Variants in TNS2 observed in about 807,000 individuals in gnomAD.
The protein encoded by TNS2 is tensin 2.
Under a neutral mutation model 155.7 loss-of-function variants are expected in TNS2, and 77 were observed. The observed-to-expected ratio is 0.49, with a 90% confidence interval of 0.41 to 0.60. The LOEUF is 0.60. TNS2 is among the 20% of genes least tolerant of loss of function. The pLI, the probability that TNS2 is intolerant of heterozygous loss-of-function variation, is 0.00. For missense variants in TNS2, 1,703 were observed against 1,868.8 expected, an observed-to-expected ratio of 0.91 and a Z score of 1.64; for synonymous variants, 726 against 763.9, an observed-to-expected ratio of 0.95 and a Z score of 0.82.
At chr12:53,049,202 T>A (rs993684293), upstream of TNS2, 13 of 1,603,450 alleles carry the variant, frequency 8.1e-6, no homozygotes, top group Non-Finnish European at 1.0e-5. Context: ...CCTCAGGCCC[T>A]GGGACAGCTG....
chr12:53,057,513 A>G, intron 11 of TNS2, 54 bp from the exon 12 acceptor site: 1 of 1,321,116 alleles, frequency 7.6e-7, no homozygotes, highest in Non-Finnish European at 1.1e-6. Flanking sequence ...GAAATGATAC[A>G]AGGTGACCTC....
intron 11 of TNS2, among the ~76,000 whole-genome samples, chr12:53,057,353 A>G (rs76329003): frequency 0.011 from 1,602 of 152,318 alleles, 38 homozygotes; most frequent in African/African-American, 0.036. Flanking sequence ...GCCTGCCACT[A>G]TAAAGTGAAG....
In TNS2 at chr12:53,053,784, C is replaced by A. The variant is rs199876788; in HGVS notation, c.272C>A (p.Thr91Lys). The A allele has an allele frequency of 1.2e-6, 2 of 1,611,042 alleles. No individual in the cohort carries two copies. The highest frequency in any genetic ancestry group is 2.2e-5 in the East Asian group (1 of 44,888). The stretch of plus-strand genomic sequence containing the variant: ...CCCATCTCCCTCTAGCGGCGAAACA[C>A]GGCCCCAGTCAGGCGCATAGAGCAC... ...ALPPVELRRNTAPVRRIEHLG... is the reference protein window; with the variant it reads ...ALPPVELRRNKAPVRRIEHLG... Residue 91 changes from threonine (T) to lysine (K), a missense_variant, in exon 5 of 29, where the codon ACG becomes AAG. By Grantham distance (78) the Thr-to-Lys change is moderately conservative. Coordinates refer to ENST00000314250, the MANE Select transcript of TNS2 (RefSeq NM_170754.4).
chr12:53,051,545 G>C (rs761608782), intron 1 of TNS2, among the ~76,000 whole-genome samples: 2 of 152,134 alleles, frequency 1.3e-5, no homozygotes, highest in Non-Finnish European at 2.9e-5. Context: ...ACCACACCAG[G>C]GGGAAAGCCT....
chr12:53,060,730 C>T lies in TNS2; in HGVS notation c.2824C>T (p.Pro942Ser), dbSNP rs747544668. Residue 942 changes from proline (P) to serine (S), a missense_variant, in exon 20 of 29, where the codon CCT becomes TCT. By Grantham distance (74) the Pro-to-Ser change is moderately conservative. Transcript: ENST00000314250. The surrounding 1 kb of genome is among the most constrained non-coding windows in gnomAD (Gnocchi z 6.1). ...CTCAGCGCCCACTCAGAGACTGAGT[C>T]CTGGCGAGGCCTTGCCCCCTGTTTC... is the stretch of plus-strand genomic sequence containing the variant. ...PTSAPTQRLS[P>S]GEALPPVSQA... 4.4e-6 allele frequency: 7 copies of T among 1,605,938 alleles called. No homozygotes were observed. The highest frequency in any genetic ancestry group is 1.3e-5 in the African/African-American group (1 of 74,846).
chr12:53,062,595 C>T, intron 24 of TNS2, 25 bp from the exon 25 acceptor site: 1 of 1,613,270 alleles, frequency 6.2e-7, no homozygotes. Context: ...TTCTGAGCTT[C>T]CCTGTCGGTT....
At chr12:53,049,975 T>G, upstream of TNS2, 1 of 1,157,462 alleles carries the variant, frequency 8.6e-7, no homozygotes, top group Non-Finnish European at 1.2e-6. Flanking sequence ...CCCCACATCC[T>G]CCCCCCTCCA....
rs1446069717 is a variant in TNS2 at position 53,055,174 on chromosome 12, C to T, written c.523-12C>T. 2 of 1,613,882 alleles carry T rather than the reference C, an allele frequency of 1.2e-6. No individual in the cohort carries two copies. Among genetic ancestry groups the T allele is most frequent in the African/African-American group, 1.3e-5 (1 of 74,854 alleles). On this transcript the variant is annotated splice_polypyrimidine_tract_variant and intron_variant, in intron 7 of 28. Coordinates refer to ENST00000314250, the MANE Select transcript of TNS2 (RefSeq NM_170754.4). ...GATCATTTCTGTCTAAAGCCCTCCC[C>T]CTTTATTTCAGCTCTTCAACCTTTC...
At position 53,059,666 on chromosome 12, in the gene TNS2, G is replaced by C; in HGVS notation, c.2025G>C (p.Glu675Asp). The stretch of plus-strand genomic sequence containing the variant: ...GCTACCGCGCCCCAGGCTACCGGGA[G>C]GTGGTCATCCTGGAGGACCCTGGGC... The part of the protein sequence containing the change: ...DFGYRAPGYR[E>D]VVILEDPGLP... The change falls in exon 18 of 29, where the codon GAG becomes GAC. Residue 675 changes from glutamate to aspartate, a missense_variant. Transcript: ENST00000314250. The surrounding 1 kb of genome is among the most constrained non-coding windows in gnomAD (Gnocchi z 4.7). 1 of 1,613,328 alleles carries C rather than the reference G, an allele frequency of 6.2e-7. No homozygotes were observed. Among genetic ancestry groups the C allele is most frequent in the Non-Finnish European group, 8.5e-7 (1 of 1,179,918 alleles).
chr12:53,057,378 AAG>A (rs1291160950), intron 11 of TNS2, among the ~76,000 whole-genome samples, 187 bp from the exon 12 acceptor site: 1 of 152,190 alleles, frequency 6.6e-6, no homozygotes, highest in Non-Finnish European at 1.5e-5. Context: ...GCTCTGGGGA[AAG>A]AGCTTTGAGG....
upstream of TNS2, among the ~76,000 whole-genome samples, chr12:53,048,076 G>A (rs1943792871): frequency 6.6e-6 from 1 of 152,202 alleles, no homozygotes; most frequent in African/African-American, 2.4e-5. Flanking sequence ...GGAGGAGGGT[G>A]AGGGTCCAAG....
chr12:53,053,897 T>A, intron 5 of TNS2, 68 bp from the exon 6 acceptor site: 3 of 1,614,082 alleles, frequency 1.9e-6, no homozygotes, highest in Non-Finnish European at 2.5e-6. Flanking sequence ...AGGGCATGGC[T>A]CTGGAGTGGG....
At chr12:53,052,228 C>A in intron 2 of TNS2, 1 of 632,096 alleles carries the variant, frequency 1.6e-6, no homozygotes, top group East Asian at 2.7e-5. Context: ...TCTTCCTCCT[C>A]ACCTCCACCC....
chr12:53,062,820 G>T, intron 25 of TNS2, 123 bp downstream of exon 25: 1 of 1,222,324 alleles, frequency 8.2e-7, no homozygotes. Flanking sequence ...TGAGGGCAGG[G>T]GAGCCCCATA....
rs748374397 is a variant in TNS2 at position 53,063,287 on chromosome 12, T to C, written c.3992+30T>C. ...GTATACTCAGCCCTGTAGAACCCCATGCTTAAGGCCCCTGGGGGCTCATGT... is the reference window on the plus strand; with the variant it reads ...GTATACTCAGCCCTGTAGAACCCCACGCTTAAGGCCCCTGGGGGCTCATGT... On this transcript the variant is annotated intron_variant, in intron 26 of 28. Coordinates refer to ENST00000314250, the MANE Select transcript of TNS2 (RefSeq NM_170754.4). This position sits in a 1 kb window ranked among gnomAD's most constrained non-coding sequence, Gnocchi z 5.6. The C allele has an allele frequency of 9.9e-6, 16 of 1,613,928 alleles. No homozygotes were observed. Among genetic ancestry groups the C allele is most frequent in the Non-Finnish European group, 5.1e-6 (6 of 1,179,936 alleles).
chr12:53,062,233 G>A lies in TNS2; in HGVS notation c.3655G>A (p.Glu1219Lys), dbSNP rs757893355. The change falls in exon 23 of 29, where the codon GAG (glutamate) becomes AAG (lysine). Residue 1219 changes from glutamate (E) to lysine (K), a missense_variant. Glu to Lys is a moderately conservative substitution (Grantham distance 56). Transcript: ENST00000314250. ...KGVKIKGCPS[E>K]PYFGSLSALV... is the part of the protein sequence containing the mutation. ...GGTGAAGATCAAGGGCTGCCCCAGT[G>A]AGCCCTACTTTGGTGAGAAGCAGGA... The A allele has an allele frequency of 2.5e-6, 4 of 1,614,062 alleles. No homozygotes were observed. Among genetic ancestry groups the A allele is most frequent in the Non-Finnish European group, 3.4e-6 (4 of 1,179,972 alleles).
intron 22 of TNS2, 46 bp from the exon 23 acceptor site, chr12:53,062,107 G>A (rs1299026420): frequency 6.2e-7 from 1 of 1,612,814 alleles, no homozygotes; most frequent in Non-Finnish European, 8.5e-7. Context: ...GAAGAAGCTG[G>A]AACCTGGAAT....
upstream of TNS2, among the ~76,000 whole-genome samples, chr12:53,047,664 C>T (rs1171264555): frequency 2.0e-5 from 3 of 151,962 alleles, no homozygotes; most frequent in Non-Finnish European, 2.9e-5. Flanking sequence ...GCCACACACG[C>T]AGGCCCGGGA....
In TNS2 at chr12:53,054,404, C is replaced by A. The variant is rs867089540; in HGVS notation, c.485C>A (p.Ala162Asp). ...CACCGGGGCCACCTGCGCGAGCTGG[C>A]CCATGTGCTGCAATCCAAGCACCGG... is the stretch of plus-strand genomic sequence containing the variant. ...QRHRGHLRELAHVLQSKHRDK... is the reference protein window; with the variant it reads ...QRHRGHLRELDHVLQSKHRDK... The change falls in exon 7 of 29, where the codon GCC (alanine) becomes GAC (aspartate). Residue 162 changes from alanine to aspartate, a missense_variant. Physicochemically the swap from Ala to Asp is moderately radical, Grantham distance 126 (BLOSUM62 -2). Transcript: ENST00000314250. 1 of 1,607,056 alleles carries A rather than the reference C, an allele frequency of 6.2e-7. No homozygotes were observed. Among genetic ancestry groups the A allele is most frequent in the African/African-American group, 1.3e-5 (1 of 74,398 alleles).
Sources: gnomAD v4.1 joint callset for allele counts (sites outside exome capture counted in the v4.1 genomes callset) on GRCh38, gnomAD v4.1.1 for gene constraint, Gnocchi (gnomAD v3.1) non-coding constraint, MANE v1.5 for transcripts, NCBI Gene and HGNC (gene_info 2026-07-23, HGNC 2026-07-21) for gene names.